ADGRL2: variants seen among roughly 807,000 people sequenced by gnomAD.
ADGRL2 encodes the protein calcium-independent alpha-latrotoxin receptor 2.
Under a neutral mutation model 157.4 loss-of-function variants are expected in ADGRL2, and 44 were observed. The observed-to-expected ratio is 0.28, with a 90% confidence interval of 0.22 to 0.36. ADGRL2 has a LOEUF of 0.36. Ranked by LOEUF, ADGRL2 falls within the 10% of genes least tolerant of loss-of-function variation. The probability of loss-of-function intolerance (pLI) is 1.00; values close to 1 mark genes in which losing one functional copy is unlikely to be tolerated. For synonymous variants in ADGRL2, 585 were observed against 624.7 expected (o/e 0.94, Z 0.95); for missense variants, 1,510 against 1,768.9 (o/e 0.85, Z 2.63).
rs767684487 is a variant in ADGRL2, at chr1:81,981,994, C to A, written c.3282+18C>A. The A allele has an allele frequency of 1.9e-6, 3 of 1,601,526 alleles. No homozygotes were observed. The highest frequency in any genetic ancestry group is 1.3e-5 in the African/African-American group (1 of 74,414). ...AAAAGAAAGTAAGTAATTGAAAACA[C>A]CTAGGGGCTCAGGTTACTCATTCTT... is the stretch of plus-strand genomic sequence containing the variant. On this transcript the variant is annotated intron_variant, in intron 19 of 23. Coordinates refer to ENST00000686636, the MANE Select transcript of ADGRL2 (RefSeq NM_001366006.2).
intron 1 of ADGRL2, among the ~76,000 whole-genome samples, chr1:81,341,313 G>A (rs949543986): frequency 2.6e-5 from 4 of 152,036 alleles, no homozygotes; most frequent in Non-Finnish European, 4.4e-5. Context: ...AATAAATATA[G>A]CAGCAAAGAT....
chr1:81,498,098 C>T (rs746068641), intron 2 of ADGRL2, among the ~76,000 whole-genome samples: 1 of 152,082 alleles, frequency 6.6e-6, no homozygotes, highest in Non-Finnish European at 1.5e-5. Flanking sequence ...GAATGAGCTA[C>T]TGTGAAGGAC....
chr1:81,847,033 A>G (rs1050055012), intron 2 of ADGRL2, among the ~76,000 whole-genome samples: 2 of 149,744 alleles, frequency 1.3e-5, no homozygotes, highest in Admixed American at 6.7e-5. Flanking sequence ...TTTGGTAGAT[A>G]TGTTGAATAC....
chr1:81,427,412 G>C lies in ADGRL2; in HGVS notation c.-301-17624G>C, dbSNP rs577959419. ...ATATGGTGGTGGTGGTGGAGGATAT[G>C]ATGGTTGCAATGGAGGAAATTTGGT... On this transcript the variant is annotated intron_variant, in intron 1 of 24. Coordinates refer to the ADGRL2 transcript ENST00000370721. The C allele has an allele frequency of 1.2e-5, 9 of 747,686 alleles. No homozygotes were observed. The East Asian group carries it at 2.2e-4, about 18-fold the overall frequency. The allele number at this position is 747,686 out of a possible 1,614,324, so 46.3% of individuals were successfully genotyped here.
chr1:81,764,518 C>T lies in ADGRL2; in HGVS notation c.-101+2666C>T, dbSNP rs369203637. Among the ~76,000 whole-genome samples the T allele has an allele frequency of 3.3e-5, 5 of 152,006 alleles. No homozygotes were observed. The East Asian group carries it at 5.8e-4, about 18-fold the overall frequency. ...TAAATGCTTCCCAAGTTTTTCTTTC[C>T]ATCATATTAGTTCTCAGTTTACATA... On this transcript the variant is annotated intron_variant, in intron 2 of 20. Coordinates refer to the ADGRL2 transcript ENST00000359929.
intron 1 of ADGRL2, among the ~76,000 whole-genome samples, chr1:81,397,620 T>C (rs908490232): frequency 5.3e-5 from 8 of 152,018 alleles, no homozygotes; most frequent in Non-Finnish European, 1.2e-4. Flanking sequence ...CGCCCAGCCC[T>C]TATAATGTCT....
At chr1:81,404,731 C>T (rs184115650) in intron 1 of ADGRL2, among the ~76,000 whole-genome samples, 4 of 152,236 alleles carry the variant, frequency 2.6e-5, no homozygotes, top group African/African-American at 7.2e-5. Context: ...TACATTTCTC[C>T]AGGTGGAGAT....
intron 14 of ADGRL2, among the ~76,000 whole-genome samples, chr1:81,968,713 C>T (rs1257902199): frequency 3.9e-5 from 6 of 152,158 alleles, no homozygotes; most frequent in Non-Finnish European, 7.4e-5. Flanking sequence ...TGTAGCATTT[C>T]CGTCTCAGAT....
intron 1 of ADGRL2, among the ~76,000 whole-genome samples, chr1:81,739,935 T>C (rs181751965): frequency 6.6e-6 from 1 of 152,270 alleles, no homozygotes; most frequent in Admixed American, 6.5e-5. Flanking sequence ...AACACATAAA[T>C]ATACAAATGT....
At chr1:81,973,745 A>G (rs1659418787) in intron 17 of ADGRL2, among the ~76,000 whole-genome samples, 1 of 152,208 alleles carries the variant, frequency 6.6e-6, no homozygotes, top group South Asian at 2.1e-4. Flanking sequence ...TTTCAACAGC[A>G]TTCTCAAACA....
At chr1:81,404,818 C>T (rs2076824560) in intron 1 of ADGRL2, among the ~76,000 whole-genome samples, 1 of 152,122 alleles carries the variant, frequency 6.6e-6, no homozygotes, top group African/African-American at 2.4e-5. Context: ...CTCTCATGTG[C>T]ATTCTTATAA....
chr1:81,460,054 GA>G (rs2077894172), intron 2 of ADGRL2, among the ~76,000 whole-genome samples: 1 of 151,942 alleles, frequency 6.6e-6, no homozygotes, highest in African/African-American at 2.4e-5. Flanking sequence ...GGTGCAAGGT[GA>G]TATCTCATTG....
At chr1:81,921,190 G>T (rs573055103) in intron 3 of ADGRL2, among the ~76,000 whole-genome samples, 1 of 152,244 alleles carries the variant, frequency 6.6e-6, no homozygotes, top group South Asian at 2.1e-4. Flanking sequence ...ACTTAATAAT[G>T]TCATATCAAA....
intron 1 of ADGRL2, among the ~76,000 whole-genome samples, chr1:81,709,850 C>A (rs1570914030): frequency 6.6e-6 from 1 of 152,082 alleles, no homozygotes; most frequent in Admixed American, 6.6e-5. Context: ...CTATTCCAAA[C>A]AAATTCTTGT....
intron 2 of ADGRL2, chr1:81,503,469 A>T: frequency 1.2e-6 from 2 of 1,611,690 alleles, no homozygotes; most frequent in Non-Finnish European, 1.7e-6. Context: ...GGTCCCTCTG[A>T]TGGGCAGGAC....
chr1:81,389,235 A>G (rs1287358228), intron 1 of ADGRL2, among the ~76,000 whole-genome samples: 1 of 152,134 alleles, frequency 6.6e-6, no homozygotes, highest in African/African-American at 2.4e-5. Context: ...AATGTAACTA[A>G]CCATTATTAA....
At chr1:81,441,798 A>G (rs775733976) in intron 1 of ADGRL2, among the ~76,000 whole-genome samples, 66 of 152,134 alleles carry the variant, frequency 4.3e-4, no homozygotes, top group Non-Finnish European at 8.4e-4. Context: ...TTGGCTTCCC[A>G]AAGTGCTGGG....
At chr1:81,921,931 A>G (rs1435781304) in intron 3 of ADGRL2, among the ~76,000 whole-genome samples, 1 of 152,156 alleles carries the variant, frequency 6.6e-6, no homozygotes, top group African/African-American at 2.4e-5. Flanking sequence ...GTATTTATTA[A>G]CAACTGGTAA....
chr1:81,568,042 T>A lies in ADGRL2; in HGVS notation c.-247-12834T>A, dbSNP rs1486744179. On this transcript the variant is annotated intron_variant, in intron 2 of 24. Transcript: ENST00000370721. ...TCTAATTTTTTCTGTTGGTTGTACG[T>A]TGAAATACAATGGCTTCGAAAAAAA... Among the ~76,000 whole-genome samples, 9 of 152,044 alleles carry A rather than the reference T, an allele frequency of 5.9e-5. No individual in the cohort carries two copies. The East Asian group carries it at 1.7e-3, about 29-fold the overall frequency.
Sources: allele counts gnomAD v4.1 joint callset (sites outside exome capture counted in the v4.1 genomes callset), GRCh38; gene constraint gnomAD v4.1.1; transcripts MANE v1.5; gene names NCBI Gene and HGNC (gene_info 2026-07-23, HGNC 2026-07-21).